Variants in MYH14 observed in about 807,000 individuals in gnomAD.
MYH14 encodes myosin-14.
In MYH14, 123 loss-of-function variants were observed where a neutral mutation model predicts 255.5. The ratio of observed to expected loss-of-function variants is 0.48; its 90% CI spans 0.42 to 0.56. The LOEUF is 0.56. Among genes scored for constraint, MYH14 ranks in the 20% least tolerant of loss-of-function variants. MYH14 has a pLI of 0.00. For missense variants in MYH14, 2,423 were observed against 2,802.3 expected (o/e 0.86, Z 3.06); for synonymous variants, 1,095 against 1,161.2 (o/e 0.94, Z 1.16).
chr19:50,289,351 C>T, intron 34 of MYH14, 85 bp from the exon 35 acceptor site: 1 of 1,095,590 alleles, frequency 9.1e-7, no homozygotes, highest in African/African-American at 1.5e-5. Context: ...CCCCATCCTC[C>T]ATCAAATCTT....
intron 27 of MYH14, among the ~76,000 whole-genome samples, chr19:50,274,463 T>G (rs2035432007): frequency 6.6e-6 from 1 of 152,106 alleles, no homozygotes; most frequent in South Asian, 2.1e-4. Flanking sequence ...CCCAGCTAAT[T>G]TTTGTATTTT....
chr19:50,242,151 A>C (rs630283), intron 10 of MYH14, among the ~76,000 whole-genome samples: 2 of 151,884 alleles, frequency 1.3e-5, no homozygotes, highest in Non-Finnish European at 2.9e-5. Flanking sequence ...TGACGTCCAG[A>C]AACACCCGAC....
At chr19:50,281,541 C>A in intron 32 of MYH14, 53 bp from the exon 33 acceptor site, 2 of 1,522,918 alleles carry the variant, frequency 1.3e-6, no homozygotes, top group Admixed American at 2.1e-5. Flanking sequence ...CCAGCTTACA[C>A]CTTGGTCACT....
chr19:50,260,831 G>GTA, intron 20 of MYH14, 116 bp downstream of exon 20: 1 of 773,298 alleles, frequency 1.3e-6, no homozygotes, highest in Non-Finnish European at 2.2e-6. Flanking sequence ...AAGTGTGTGT[G>GTA]CATGCACGTG....
At chr19:50,240,506 G>A (rs662302) in intron 10 of MYH14, among the ~76,000 whole-genome samples, 21,884 of 152,136 alleles carry the variant, frequency 0.14, 1,795 homozygotes, top group African/African-American at 0.19. Context: ...CTTGAGCCCA[G>A]GAAGTTGAGG....
intron 41 of MYH14, 62 bp from the exon 42 acceptor site, chr19:50,308,943 G>A (rs2036744882): frequency 1.3e-6 from 2 of 1,482,408 alleles, no homozygotes; most frequent in Non-Finnish European, 1.8e-6. Context: ...GTGGGCTGTT[G>A]GAGAGGGAGG....
intron 23 of MYH14, 57 bp downstream of exon 23, chr19:50,267,065 TG>T: frequency 6.8e-7 from 1 of 1,463,918 alleles, no homozygotes; most frequent in Non-Finnish European, 9.2e-7. Flanking sequence ...CTGTGTCGCA[TG>T]GGTGGAGCCA....
At chr19:50,233,428 T>C (rs2033504432) in intron 10 of MYH14, among the ~76,000 whole-genome samples, 1 of 152,080 alleles carries the variant, frequency 6.6e-6, no homozygotes, top group Non-Finnish European at 1.5e-5. Context: ...CCTCGGCCTC[T>C]CAAAGTGCTG....
chr19:50,272,153 C>G (rs1490271067), intron 26 of MYH14, among the ~76,000 whole-genome samples, 181 bp downstream of exon 26: 1 of 152,194 alleles, frequency 6.6e-6, no homozygotes, highest in Non-Finnish European at 1.5e-5. Flanking sequence ...ATCCAACTCT[C>G]TTTCTCTCCT....
In MYH14 at chr19:50,230,035, C is replaced by T. The variant is rs898745239; in HGVS notation, c.875-490C>T. Among the ~76,000 whole-genome samples the T allele has an allele frequency of 5.9e-5, 9 of 152,172 alleles. No individual in the cohort carries two copies. In the South Asian group the frequency reaches 8.3e-4, roughly 14 times the overall value. On this transcript the variant is annotated intron_variant, in intron 8 of 42. Transcript: ENST00000642316. The surrounding 1 kb of genome is among the most constrained non-coding windows in gnomAD (Gnocchi z 4.7). Reference sequence around the variant, plus strand: ...GTTCAAGCGATTCTCCTGCCTCAGCCTCCCAAGCAGCTGAGATTACAGGCA... The same window carrying T: ...GTTCAAGCGATTCTCCTGCCTCAGCTTCCCAAGCAGCTGAGATTACAGGCA...
chr19:50,249,727 G>A lies in MYH14; in HGVS notation c.1560G>A (p.Val520=), dbSNP rs1470682193. 1 of 1,614,214 alleles carries A rather than the reference G, an allele frequency of 6.2e-7. No individual in the cohort carries two copies. Residue 520 remains valine, a synonymous_variant, in exon 14 of 43, where the codon GTG becomes GTA. Coordinates refer to ENST00000642316, the MANE Select transcript of MYH14 (RefSeq NM_001145809.2). The stretch of plus-strand genomic sequence containing the variant: ...AGCTCTTCAACCACACCATGTTCGT[G>A]CTGGAGCAGGAGGAGTACCAGCGTG... The part of the protein sequence containing the change: ...LQQLFNHTMF[V]LEQEEYQREG...
chr19:50,272,471 A>G (rs963743231), intron 26 of MYH14, 89 bp from the exon 27 acceptor site: 10 of 1,376,704 alleles, frequency 7.3e-6, no homozygotes, highest in African/African-American at 1.4e-5. Flanking sequence ...GCTTAGCCTT[A>G]TATGTGACTG....
chr19:50,234,171 C>T (rs1459337999), intron 10 of MYH14, among the ~76,000 whole-genome samples: 1 of 152,116 alleles, frequency 6.6e-6, no homozygotes, highest in Non-Finnish European at 1.5e-5. Flanking sequence ...TCCGTAATGA[C>T]CCTGTTTCCA....
intron 40 of MYH14, among the ~76,000 whole-genome samples, chr19:50,302,192 G>A (rs1158724454): frequency 6.8e-6 from 1 of 146,606 alleles, no homozygotes; most frequent in Non-Finnish European, 1.5e-5. Flanking sequence ...CCTGAGATAA[G>A]AAGATAGCTT....
Position 50,309,664 on chromosome 19 carries a change from C to T in MYH14, c.5985C>T (p.Thr1995=), listed in dbSNP as rs1555779741. 6 of 1,611,010 alleles carry T rather than the reference C, an allele frequency of 3.7e-6. No homozygotes were observed. Among genetic ancestry groups the T allele is most frequent in the Admixed American group, 1.7e-5 (1 of 59,706 alleles). The part of the protein sequence containing the change: ...RLRRGPLTFT[T]RTVRQVFRLE... ...GACGCGGCCCCCTCACCTTCACCAC[C>T]CGCACGGTGCGCCAGGTCTTCCGAC... The change falls in exon 43 of 43, where the codon ACC becomes ACT. Residue 1995 remains threonine (T), a synonymous_variant. Coordinates refer to ENST00000642316, the MANE Select transcript of MYH14 (RefSeq NM_001145809.2).
At chr19:50,220,274 T>G (rs1219002714) in intron 3 of MYH14, among the ~76,000 whole-genome samples, 3 of 151,516 alleles carry the variant, frequency 2.0e-5, no homozygotes, top group African/African-American at 7.3e-5. Context: ...AGCAAATTAT[T>G]AAATTTATAT....
rs1330663203 is a variant in MYH14, at chr19:50,266,915, G to A, written c.2733G>A (p.Val911=). Residue 911 remains valine (V), a synonymous_variant, in exon 23 of 43, where the codon GTG becomes GTA. Coordinates refer to ENST00000642316, the MANE Select transcript of MYH14 (RefSeq NM_001145809.2). This position sits in a 1 kb window ranked among gnomAD's most constrained non-coding sequence, Gnocchi z 4.1. ...PLLQVTRQDE[V]LQARAQELQK... ...TGCAGGTGACGCGGCAGGATGAGGT[G>A]CTGCAGGCACGGGCCCAGGAGCTGC... 2 of 1,552,372 alleles carry A rather than the reference G, an allele frequency of 1.3e-6. No individual in the cohort carries two copies. Among genetic ancestry groups the A allele is most frequent in the African/African-American group, 2.7e-5 (2 of 73,178 alleles).
chr19:50,302,508 A>G (rs889084213), intron 40 of MYH14, among the ~76,000 whole-genome samples: 1 of 151,708 alleles, frequency 6.6e-6, no homozygotes, highest in Non-Finnish European at 1.5e-5. Flanking sequence ...GCTTGAACTC[A>G]GGAGATAGAG....
intron 11 of MYH14, among the ~76,000 whole-genome samples, chr19:50,246,017 G>A (rs1271388865): frequency 9.2e-6 from 1 of 108,122 alleles, no homozygotes. Context: ...GGATTCCCTC[G>A]CTCCCTCCCT....
Sources: allele counts gnomAD v4.1 joint callset (sites outside exome capture counted in the v4.1 genomes callset), GRCh38; gene constraint gnomAD v4.1.1; non-coding constraint Gnocchi (gnomAD v3.1); transcripts MANE v1.5; gene names NCBI Gene and HGNC (gene_info 2026-07-23, HGNC 2026-07-21).